CYP27B1: variants seen among roughly 807,000 people sequenced by gnomAD.
The protein encoded by CYP27B1 is cytochrome P450 family 27 subfamily B member 1, also known as 25-hydroxyvitamin D-1 alpha hydroxylase, mitochondrial.
CYP27B1 carries 46 observed loss-of-function variants against 54.8 expected under a neutral mutation model. The observed-to-expected ratio is 0.84, with a 90% CI of 0.66 to 1.07. The LOEUF (loss-of-function observed/expected upper bound fraction) is 1.07. Among genes scored for constraint, CYP27B1 ranks in the 50% least tolerant of loss-of-function variants. The pLI is 0.00. For synonymous variants in CYP27B1, 292 were observed against 297.3 expected, an observed-to-expected ratio of 0.98 and a Z score of 0.18; for missense variants, 674 against 692.2, an observed-to-expected ratio of 0.97 and a Z score of 0.30.
chr12:57,762,899 G>A lies in CYP27B1; in HGVS notation c.*243C>T, dbSNP rs1030949016. On this transcript the variant is annotated 3_prime_UTR_variant, in exon 9 of 9. Coordinates refer to ENST00000228606, the MANE Select transcript of CYP27B1 (RefSeq NM_000785.4). ...AAATCTGATTTCATCCTTGGGGGAT[G>A]CATACATGATCAGAAGGGCCAAGCA... 6.0e-6 allele frequency: 3 copies of A among 499,534 alleles called. No homozygotes were observed. The highest frequency in any genetic ancestry group is 1.1e-5 in the Non-Finnish European group (3 of 271,092). 30.9% of individuals were successfully genotyped at this position (499,534 alleles called of 1,614,324 possible).
chr12:57,766,048 C>G lies in CYP27B1; in HGVS notation c.345G>C (p.Glu115Asp). The change falls in exon 2 of 9, where the codon GAG (glutamate) becomes GAC (aspartate). Residue 115 changes from glutamate (E) to aspartate (D), a missense_variant. Glu to Asp is a conservative substitution (Grantham distance 45, BLOSUM62 2). Transcript: ENST00000228606. ...AAGCCCGCTGGCGGCAGCGGCGGTG[C>G]TCCGTCCAGGGCGAGAAGCTGCAGC... ...PERCSFSPWT[E>D]HRRCRQRACG... 6.4e-7 allele frequency: 1 copy of G among 1,566,082 alleles called. No individual in the cohort carries two copies. The highest frequency in any genetic ancestry group is 8.6e-7 in the Non-Finnish European group (1 of 1,160,150).
chr12:57,765,222 G>A lies in CYP27B1; in HGVS notation c.590-11C>T, dbSNP rs1483562156. ...GAACCGCGGCGATGCCTTGTCGGGAGGGGGCGCCGTCAGGGTTCCGGGAGG... is the reference window on the plus strand; with the variant it reads ...GAACCGCGGCGATGCCTTGTCGGGAAGGGGCGCCGTCAGGGTTCCGGGAGG... On this transcript the variant is annotated splice_polypyrimidine_tract_variant and intron_variant, in intron 3 of 8. Transcript: ENST00000228606. This position sits in a 1 kb window ranked among gnomAD's most constrained non-coding sequence, Gnocchi z 5.8. 6.2e-7 allele frequency: 1 copy of A among 1,611,670 alleles called. No individual in the cohort carries two copies. The highest frequency in any genetic ancestry group is 8.5e-7 in the Non-Finnish European group (1 of 1,179,138).
At position 57,765,142 on chromosome 12, in the gene CYP27B1, G is replaced by T. The variant is rs974435159; in HGVS notation, c.659C>A (p.Thr220Asn). 6.2e-7 allele frequency: 1 copy of T among 1,613,894 alleles called. No homozygotes were observed. The change falls in exon 4 of 9, where the codon ACC becomes AAC. Residue 220 changes from threonine (T) to asparagine (N), a missense_variant. Coordinates refer to ENST00000228606, the MANE Select transcript of CYP27B1 (RefSeq NM_000785.4). The surrounding 1 kb of genome is among the most constrained non-coding windows in gnomAD (Gnocchi z 5.8). ...CACCGAGCCCACAGCGCGGATGAAG[G>T]TCTCCGTGTCGGGTGGCACTTGAGC... ...LEAQVPPDTE[T>N]FIRAVGSVFV...
In CYP27B1 at chr12:57,764,771, A is replaced by T. The variant is rs763656534; in HGVS notation, c.946T>A (p.Leu316Met). 6.2e-7 allele frequency: 1 copy of T among 1,614,148 alleles called. No homozygotes were observed. The highest frequency in any genetic ancestry group is 8.5e-7 in the Non-Finnish European group (1 of 1,180,018). ...AACCTCACCGTGTCCACTCCCGCCAATAGCAACTCTGTCACATTTCCCAGG... is the reference window on the plus strand; with the variant it reads ...AACCTCACCGTGTCCACTCCCGCCATTAGCAACTCTGTCACATTTCCCAGG... ...SILGNVTELL[L>M]AGVDTVSNTL... is the part of the protein sequence containing the mutation. Residue 316 changes from leucine to methionine, a missense_variant, in exon 5 of 9, where the codon TTG becomes ATG. By Grantham distance (15) the Leu-to-Met change is conservative. Coordinates refer to ENST00000228606, the MANE Select transcript of CYP27B1 (RefSeq NM_000785.4).
rs1033180599 is a variant in CYP27B1 at position 57,765,003 on chromosome 12, T to C, written c.790+8A>G. 17 of 1,613,730 alleles carry C rather than the reference T, an allele frequency of 1.1e-5. No homozygotes were observed. The highest frequency in any genetic ancestry group is 1.4e-5 in the Non-Finnish European group (17 of 1,180,038). On this transcript the variant is annotated splice_region_variant and intron_variant, in intron 4 of 8. Transcript: ENST00000228606. The surrounding 1 kb of genome is among the most constrained non-coding windows in gnomAD (Gnocchi z 5.8). ...ATTCCCCCATTTCCACCTCGACCTG[T>C]GCCTTACCAAATGCAAACATCTGGT... is the stretch of plus-strand genomic sequence containing the variant.
intron 8 of CYP27B1, 99 bp from the exon 9 acceptor site, chr12:57,763,354 G>T: frequency 1.0e-6 from 1 of 976,398 alleles, no homozygotes; most frequent in Non-Finnish European, 1.6e-6. Flanking sequence ...ATTAGTGTTA[G>T]AATGGTCAAT....
At position 57,766,986 on chromosome 12, in the gene CYP27B1, G is replaced by T. The variant is rs764196493; in HGVS notation, c.56C>A (p.Pro19His). 3 of 1,614,204 alleles carry T rather than the reference G, an allele frequency of 1.9e-6. No individual in the cohort carries two copies. The highest frequency in any genetic ancestry group is 1.7e-6 in the Non-Finnish European group (2 of 1,180,026). ...GTAGCCTAGGGAGGCGCCCAACTCG[G>T]GCGCCCAGCGGACGCGATGGAACAC... Reference protein sequence around the residue: ...SRVFHRVRWAPELGASLGYRE... With the variant: ...SRVFHRVRWAHELGASLGYRE... The change falls in exon 1 of 9, where the codon CCC becomes CAC. Residue 19 changes from proline (P) to histidine (H), a missense_variant. Physicochemically the swap from Pro to His is moderately conservative, Grantham distance 77. Coordinates refer to ENST00000228606, the MANE Select transcript of CYP27B1 (RefSeq NM_000785.4).
chr12:57,765,720 C>G lies in CYP27B1; in HGVS notation c.387-221G>C. ...CGGGGTTCCCGGGTAACTTGAGTCA[C>G]AGAACCTTACATTCATTCCATCCAG... On this transcript the variant is annotated intron_variant, in intron 2 of 8. Transcript: ENST00000228606. The surrounding 1 kb of genome is among the most constrained non-coding windows in gnomAD (Gnocchi z 5.8). The G allele has an allele frequency of 2.5e-6, 2 of 813,632 alleles. No homozygotes were observed. The highest frequency in any genetic ancestry group is 4.0e-6 in the Non-Finnish European group (2 of 496,516). The allele number at this position is 813,632 out of a possible 1,614,324, so 50.4% of individuals were successfully genotyped here.
Position 57,765,833 on chromosome 12 carries a change from T to C in CYP27B1, c.386+174A>G, listed in dbSNP as rs554748940. On this transcript the variant is annotated intron_variant, in intron 2 of 8. Coordinates refer to ENST00000228606, the MANE Select transcript of CYP27B1 (RefSeq NM_000785.4). The surrounding 1 kb of genome is among the most constrained non-coding windows in gnomAD (Gnocchi z 5.8). ...ATAAGGAGGTAGGCGGGGAGTGAGG[T>C]TGGGGCTCAACCTGAGTGTGGGTGA... The C allele has an allele frequency of 3.9e-6, 5 of 1,293,588 alleles. No homozygotes were observed. In the African/African-American group the frequency reaches 6.0e-5, roughly 15 times the overall value. 80.1% of individuals were successfully genotyped at this position (1,293,588 alleles called of 1,614,324 possible).
Position 57,765,180 on chromosome 12 carries a change from C to T in CYP27B1, c.621G>A (p.Leu207=). ...GTGGCACTTGAGCCTCCAGGCAGCC[C>T]AAGCGCGAGCCGAGCAGAACCGCGG... The part of the protein sequence containing the change: ...GIAAVLLGSR[L]GCLEAQVPPD... Residue 207 remains leucine (L), a synonymous_variant, in exon 4 of 9, where the codon TTG becomes TTA. Coordinates refer to ENST00000228606, the MANE Select transcript of CYP27B1 (RefSeq NM_000785.4). This position sits in a 1 kb window ranked among gnomAD's most constrained non-coding sequence, Gnocchi z 5.8. 1.9e-6 allele frequency: 3 copies of T among 1,613,326 alleles called. No homozygotes were observed. The highest frequency in any genetic ancestry group is 2.2e-5 in the South Asian group (2 of 91,054).
intron 1 of CYP27B1, 43 bp from the exon 2 acceptor site, chr12:57,766,240 G>T: frequency 1.2e-5 from 18 of 1,497,552 alleles, no homozygotes; most frequent in Non-Finnish European, 1.6e-5. Context: ...CCTGGGCGGG[G>T]ACTTTCAGCT....
chr12:57,764,754 C>T lies in CYP27B1; in HGVS notation c.963G>A (p.Thr321=). The T allele has an allele frequency of 6.8e-6, 11 of 1,614,078 alleles. No homozygotes were observed. The highest frequency in any genetic ancestry group is 9.3e-6 in the Non-Finnish European group (11 of 1,179,984). ...TCACAGCACGGAGGGAGAACCTCACCGTGTCCACTCCCGCCAATAGCAACT... is the reference window on the plus strand; with the variant it reads ...TCACAGCACGGAGGGAGAACCTCACTGTGTCCACTCCCGCCAATAGCAACT... The part of the protein sequence containing the change: ...VTELLLAGVD[T]VSNTLSWALY... The change falls in exon 5 of 9, where the codon ACG becomes ACA. Residue 321 remains threonine (T), a splice_region_variant and synonymous_variant. Transcript: ENST00000228606.
chr12:57,764,985 C>G, intron 4 of CYP27B1, 26 bp downstream of exon 4: 1 of 1,613,984 alleles, frequency 6.2e-7, no homozygotes, highest in Non-Finnish European at 8.5e-7. Flanking sequence ...TACATTCCCC[C>G]ATTTCCACCT....
Position 57,764,835 on chromosome 12 carries a change from G to A in CYP27B1, c.882C>T (p.Thr294=). 1 of 1,614,156 alleles carries A rather than the reference G, an allele frequency of 6.2e-7. No homozygotes were observed. The highest frequency in any genetic ancestry group is 8.5e-7 in the Non-Finnish European group (1 of 1,180,010). The stretch of plus-strand genomic sequence containing the variant: ...GCAACTCTTCCCGGAACAGGAAGTG[G>A]GTCAGGTGCGCCCCAGACTCCAGGT... The part of the protein sequence containing the change: ...EKDLESGAHL[T]HFLFREELPA... The change falls in exon 5 of 9, where the codon ACC becomes ACT. Residue 294 remains threonine (T), a synonymous_variant. Transcript: ENST00000228606.
Position 57,765,293 on chromosome 12 carries a change from T to C in CYP27B1, c.589+4A>G. ...CGCCTGCCCAGCTCTGTCCTGGGAC[T>C]CACCTTCCAGTCCGAACTTGTAAAA... On this transcript the variant is annotated splice_donor_region_variant and intron_variant, in intron 3 of 8. Transcript: ENST00000228606. The surrounding 1 kb of genome is among the most constrained non-coding windows in gnomAD (Gnocchi z 5.8). 2 of 1,612,822 alleles carry C rather than the reference T, an allele frequency of 1.2e-6. No individual in the cohort carries two copies. Among genetic ancestry groups the C allele is most frequent in the Non-Finnish European group, 1.7e-6 (2 of 1,179,696 alleles).
At position 57,764,899 on chromosome 12, in the gene CYP27B1, G is replaced by C; in HGVS notation, c.818C>G (p.Ala273Gly). The change falls in exon 5 of 9, where the codon GCA becomes GGA. Residue 273 changes from alanine to glycine, a missense_variant. Transcript: ENST00000228606. ...TCCTCCGTTCCTCATGGCTGCCTCT[G>C]CCTCTCGCCGCTCCACGTGCCTCTG... The part of the protein sequence containing the change: ...FAQRHVERRE[A>G]EAAMRNGGQP... 1 of 1,614,160 alleles carries C rather than the reference G, an allele frequency of 6.2e-7. No homozygotes were observed. The highest frequency in any genetic ancestry group is 1.3e-5 in the African/African-American group (1 of 75,070).
Position 57,765,095 on chromosome 12 carries a change from T to C in CYP27B1, c.706A>G (p.Met236Val), listed in dbSNP as rs373542360. ...GSVFVSTLLTMAMPHWLRHLV... is the reference protein window; with the variant it reads ...GSVFVSTLLTVAMPHWLRHLV... ...TGGCGCAGCCAGTGGGGCATCGCCA[T>C]GGTCAACAGCGTGGACACAAACACC... Residue 236 changes from methionine to valine, a missense_variant, in exon 4 of 9, where the codon ATG becomes GTG. Physicochemically the swap from Met to Val is conservative, Grantham distance 21. Coordinates refer to ENST00000228606, the MANE Select transcript of CYP27B1 (RefSeq NM_000785.4). The surrounding 1 kb of genome is among the most constrained non-coding windows in gnomAD (Gnocchi z 5.8). 14 of 1,613,780 alleles carry C rather than the reference T, an allele frequency of 8.7e-6. No homozygotes were observed. In the East Asian group the frequency reaches 2.9e-4, roughly 33 times the overall value.
Position 57,764,407 on chromosome 12 carries a change from C to T in CYP27B1, c.1107G>A (p.Leu369=). The part of the protein sequence containing the change: ...PSATVLSQLP[L]LKAVVKEVLR... ...GCACTTCCTTGACCACCGCCTTCAG[C>T]AGGGGCAGCTGGGACAGAACAGTGG... Residue 369 remains leucine (L), a synonymous_variant, in exon 6 of 9, where the codon CTG becomes CTA. Coordinates refer to ENST00000228606, the MANE Select transcript of CYP27B1 (RefSeq NM_000785.4). 6.2e-7 allele frequency: 1 copy of T among 1,614,190 alleles called. No individual in the cohort carries two copies. Among genetic ancestry groups the T allele is most frequent in the Non-Finnish European group, 8.5e-7 (1 of 1,180,036 alleles).
rs1261436439 is a variant in CYP27B1, at chr12:57,765,080, A to G, written c.721T>C (p.Trp241Arg). 1 of 1,613,854 alleles carries G rather than the reference A, an allele frequency of 6.2e-7. No homozygotes were observed. The highest frequency in any genetic ancestry group is 2.2e-5 in the East Asian group (1 of 44,882). The change falls in exon 4 of 9, where the codon TGG becomes CGG. Residue 241 changes from tryptophan to arginine, a missense_variant. Transcript: ENST00000228606. The surrounding 1 kb of genome is among the most constrained non-coding windows in gnomAD (Gnocchi z 5.8). ...GGCCCAGGCACAAGGTGGCGCAGCC[A>G]GTGGGGCATCGCCATGGTCAACAGC... ...STLLTMAMPHWLRHLVPGPWG... is the reference protein window; with the variant it reads ...STLLTMAMPHRLRHLVPGPWG...
Sources: gnomAD v4.1 joint callset for allele counts on GRCh38, gnomAD v4.1.1 for gene constraint, Gnocchi (gnomAD v3.1) non-coding constraint, MANE v1.5 for transcripts, NCBI Gene and HGNC (gene_info 2026-07-23, HGNC 2026-07-21) for gene names.